PRUNE2: variants seen among roughly 807,000 people sequenced by gnomAD.
PRUNE2 encodes prune homolog 2 with BCH domain.
In PRUNE2, 164 loss-of-function variants were observed where a neutral mutation model predicts 252.0. That is an observed-to-expected ratio of 0.65 (90% CI 0.57 to 0.74). The LOEUF (loss-of-function observed/expected upper bound fraction) is 0.74, where lower values mean the gene tolerates loss of function less well. PRUNE2 is among the 30% of genes least tolerant of loss of function. The pLI is 0.00. For missense variants in PRUNE2, 3,495 were observed against 3,711.0 expected, an observed-to-expected ratio of 0.94 and a Z score of 1.51; for synonymous variants, 1,292 against 1,350.2, an observed-to-expected ratio of 0.96 and a Z score of 0.94.
At chr9:76,879,890 TATATATATATATA>T (rs1291533674) in intron 1 of PRUNE2, among the ~76,000 whole-genome samples, 1 of 85,448 alleles carries the variant, frequency 1.2e-5, no homozygotes, top group Non-Finnish European at 2.2e-5. Context: ...TATATATATA[TATATATATATATA>T]TTTTTTTTTT....
chr9:76,684,295 C>G (rs1382279756), intron 9 of PRUNE2, among the ~76,000 whole-genome samples: 2 of 152,142 alleles, frequency 1.3e-5, no homozygotes, highest in African/African-American at 4.8e-5. Flanking sequence ...ATCTACGAGT[C>G]TGAGGCTACT....
intron 9 of PRUNE2, among the ~76,000 whole-genome samples, chr9:76,684,212 T>C (rs1240036732): frequency 6.6e-6 from 1 of 152,214 alleles, no homozygotes; most frequent in Non-Finnish European, 1.5e-5. Flanking sequence ...ACTGAAATTT[T>C]GTACCCTTTG....
chr9:76,858,629 G>A (rs2060385387), intron 1 of PRUNE2, among the ~76,000 whole-genome samples: 1 of 152,026 alleles, frequency 6.6e-6, no homozygotes, highest in African/African-American at 2.4e-5. Flanking sequence ...GCAAGGGAAG[G>A]GATAGCATTA....
intron 9 of PRUNE2, among the ~76,000 whole-genome samples, chr9:76,697,649 C>T (rs1286189115): frequency 1.3e-5 from 2 of 151,210 alleles, no homozygotes; most frequent in African/African-American, 4.9e-5. Flanking sequence ...GGAATGAAAA[C>T]ATCAACCTAT....
chr9:76,631,048 A>G (rs1837422291), intron 15 of PRUNE2, among the ~76,000 whole-genome samples: 1 of 152,054 alleles, frequency 6.6e-6, no homozygotes, highest in Non-Finnish European at 1.5e-5. Flanking sequence ...TTTACTTGCA[A>G]TTTTGGCCCT....
chr9:76,784,744 T>C (rs572111232), intron 6 of PRUNE2: 1 of 152,356 alleles, frequency 6.6e-6, no homozygotes, highest in South Asian at 2.1e-4. Context: ...CTGGGAAGCA[T>C]CTCAAGATCT....
intron 1 of PRUNE2, among the ~76,000 whole-genome samples, chr9:76,902,761 A>G (rs183961541): frequency 6.5e-4 from 99 of 152,332 alleles, no homozygotes; most frequent in African/African-American, 2.3e-3. Context: ...CTAACCAGGC[A>G]GAAGTCAGGC....
intron 9 of PRUNE2, among the ~76,000 whole-genome samples, chr9:76,687,349 A>T (rs2044205799): frequency 6.6e-6 from 1 of 152,184 alleles, no homozygotes; most frequent in South Asian, 2.1e-4. Context: ...ATTTCTGGGA[A>T]CTGGATGTAG....
At chr9:76,811,870 C>T (rs1263345336) in intron 6 of PRUNE2, among the ~76,000 whole-genome samples, 1 of 152,156 alleles carries the variant, frequency 6.6e-6, no homozygotes, top group Non-Finnish European at 1.5e-5. Flanking sequence ...TTTTAACCTG[C>T]ATTACGAAGT....
intron 4 of PRUNE2, among the ~76,000 whole-genome samples, chr9:76,837,163 G>A (rs1055312832): frequency 6.6e-6 from 1 of 152,098 alleles, no homozygotes; most frequent in Non-Finnish European, 1.5e-5. Flanking sequence ...GAAGTTATTG[G>A]CCGGGCACAG....
chr9:76,706,971 G>A lies in PRUNE2; in HGVS notation c.5303C>T (p.Thr1768Ile). The stretch of plus-strand genomic sequence containing the variant: ...TTCAGTCTCCGTTAATGGTGAGAAA[G>A]TCCAGGGATCAGGGCTGCTTTGTTG... ...DNQQSSPDPW[T>I]FSPLTETEMQ... The change falls in exon 8 of 19, where the codon ACT becomes ATT. Residue 1768 changes from threonine (T) to isoleucine (I), a missense_variant. Coordinates refer to ENST00000376718, the MANE Select transcript of PRUNE2 (RefSeq NM_015225.3). 1 of 1,613,948 alleles carries A rather than the reference G, an allele frequency of 6.2e-7. No individual in the cohort carries two copies. Among genetic ancestry groups the A allele is most frequent in the Non-Finnish European group, 8.5e-7 (1 of 1,179,872 alleles).
rs2046137927 is a variant in PRUNE2, at chr9:76,704,248, A to G, written c.7514-149T>C. 1.0e-5 allele frequency: 4 copies of G among 396,378 alleles called. No individual in the cohort carries two copies. In the South Asian group the frequency reaches 4.7e-4, roughly 46 times the overall value. 24.6% of individuals were successfully genotyped at this position (396,378 alleles called of 1,614,324 possible). On this transcript the variant is annotated intron_variant, in intron 8 of 18. Coordinates refer to ENST00000376718, the MANE Select transcript of PRUNE2 (RefSeq NM_015225.3). ...ATTTATTCATTCATTCATTTGAGACAGAGTCCCGCTCTGTCACCCAGGATA... is the reference window on the plus strand; with the variant it reads ...ATTTATTCATTCATTCATTTGAGACGGAGTCCCGCTCTGTCACCCAGGATA...
intron 15 of PRUNE2, among the ~76,000 whole-genome samples, 162 bp downstream of exon 15, chr9:76,636,309 G>A (rs1042529326): frequency 6.6e-6 from 1 of 151,992 alleles, no homozygotes; most frequent in Non-Finnish European, 1.5e-5. Context: ...CTCTTAATTC[G>A]GGATTCTTGA....
rs200223803 is a variant in PRUNE2 at position 76,713,674 on chromosome 9, T to C, written c.804A>G (p.Thr268=). 2.9e-4 allele frequency: 467 copies of C among 1,600,900 alleles called. 3 individuals carry two copies. In the East Asian group the frequency reaches 7.7e-3, roughly 26 times the overall value. The change falls in exon 7 of 19, where the codon ACA becomes ACG. Residue 268 remains threonine (T), a synonymous_variant. Coordinates refer to ENST00000376718, the MANE Select transcript of PRUNE2 (RefSeq NM_015225.3). ...TGAGGACATCAAAACCAAACTTGTC[T>C]GTAAATGCTTTCAAGTCACTGGTAA... ...SNITSDLKAF[T]DKFGFDVLIL...
chr9:76,696,008 G>A (rs1009942138), intron 9 of PRUNE2, among the ~76,000 whole-genome samples: 1 of 152,050 alleles, frequency 6.6e-6, no homozygotes, highest in Non-Finnish European at 1.5e-5. Flanking sequence ...CCTGTGTGGC[G>A]GGGGGCACTC....
intron 6 of PRUNE2, among the ~76,000 whole-genome samples, chr9:76,721,057 G>A (rs1019491592): frequency 6.6e-6 from 1 of 152,046 alleles, no homozygotes; most frequent in African/African-American, 2.4e-5. Context: ...AGCCGAGATC[G>A]CACCACTGCA....
At chr9:76,766,715 G>A (rs1436553351) in intron 6 of PRUNE2, among the ~76,000 whole-genome samples, 1 of 151,852 alleles carries the variant, frequency 6.6e-6, no homozygotes, top group Non-Finnish European at 1.5e-5. Flanking sequence ...CCTGCTTTAG[G>A]GCCTTAGGAT....
At chr9:76,615,005 A>C (rs1240203968) in intron 18 of PRUNE2, 4 of 674,716 alleles carry the variant, frequency 5.9e-6, no homozygotes, top group African/African-American at 2.0e-5. Flanking sequence ...GTAATGTCTG[A>C]CAAGCACTAA....
intron 6 of PRUNE2, among the ~76,000 whole-genome samples, chr9:76,753,470 T>A (rs1486463283): frequency 1.3e-5 from 2 of 152,180 alleles, no homozygotes; most frequent in Non-Finnish European, 2.9e-5. Context: ...TTGTTCTCTG[T>A]CAGGAGTAAT....
Sources: allele counts gnomAD v4.1 joint callset (sites outside exome capture counted in the v4.1 genomes callset), GRCh38; gene constraint gnomAD v4.1.1; transcripts MANE v1.5; gene names NCBI Gene and HGNC (gene_info 2026-07-23, HGNC 2026-07-21).